EIF5A2: variants seen among roughly 807,000 people sequenced by gnomAD.
EIF5A2 encodes eukaryotic translation initiation factor 5A-2.
Under a neutral mutation model 16.4 loss-of-function variants are expected in EIF5A2, and 15 were observed. That is an observed-to-expected ratio of 0.92 (90% CI 0.61 to 1.41). EIF5A2 has a LOEUF of 1.41. EIF5A2 is among the 40% of genes most tolerant of loss of function. EIF5A2 has a pLI of 0.00. For missense variants in EIF5A2, 144 were observed against 189.5 expected, an observed-to-expected ratio of 0.76 and a Z score of 1.41; for synonymous variants, 48 against 61.1, an observed-to-expected ratio of 0.79 and a Z score of 1.00.
intron 1 of EIF5A2, 109 bp from the exon 2 acceptor site, chr3:170,907,950 G>GT: frequency 1.2e-6 from 1 of 834,278 alleles, no homozygotes; most frequent in East Asian, 2.8e-5. Flanking sequence ...ATTTCTGCAT[G>GT]TAAGGAACAC....
Position 170,893,110 on chromosome 3 carries a change from T to C in EIF5A2, c.*250A>G, listed in dbSNP as rs1354883922. ...CTGCTGAAGCTATCTTGTTTGTTTC[T>C]TGGACTGACATACTGAAAACCACAG... On this transcript the variant is annotated 3_prime_UTR_variant, in exon 5 of 5. Transcript: ENST00000295822. 4.5e-6 allele frequency: 2 copies of C among 446,566 alleles called. No homozygotes were observed. Among genetic ancestry groups the C allele is most frequent in the Non-Finnish European group, 7.8e-6 (2 of 255,500 alleles). 27.7% of individuals were successfully genotyped at this position (446,566 alleles called of 1,614,324 possible). A position where few individuals can be genotyped will look rare whatever the true frequency, so the allele number is the denominator to read the frequency against.
rs1277715439 is a variant in EIF5A2 at position 170,891,581 on chromosome 3, T to C, written c.*1779A>G. ...TACTAATGCTATTTCCAGTCACTGA[T>C]TAGATCAGTTACATCATCATATATG... On this transcript the variant is annotated 3_prime_UTR_variant, in exon 5 of 5. Transcript: ENST00000295822. 6.6e-6 allele frequency: 1 copy of C among 152,628 alleles called. No homozygotes were observed. Among genetic ancestry groups the C allele is most frequent in the Non-Finnish European group, 1.5e-5 (1 of 68,040 alleles). 9.5% of individuals were successfully genotyped at this position (152,628 alleles called of 1,614,324 possible).
Position 170,908,607 on chromosome 3 carries a change from C to G in EIF5A2, c.-100G>C, listed in dbSNP as rs1281096227. On this transcript the variant is annotated 5_prime_UTR_variant, in exon 1 of 5. Transcript: ENST00000295822. ...CGCTGGTCCCCTACAGCAGCGGCGC[C>G]GGCAGCGGCGGTGGCGGCCGCGGCA... is the stretch of plus-strand genomic sequence containing the variant. 1 of 152,844 alleles carries G rather than the reference C, an allele frequency of 6.5e-6. No homozygotes were observed. Among genetic ancestry groups the G allele is most frequent in the Non-Finnish European group, 1.5e-5 (1 of 68,520 alleles). The allele number at this position is 152,844 out of a possible 1,614,324, so 9.5% of individuals were successfully genotyped here. A position where few individuals can be genotyped will look rare whatever the true frequency, so the allele number is the denominator to read the frequency against.
At chr3:170,899,859 T>C (rs1353556151) in intron 3 of EIF5A2, among the ~76,000 whole-genome samples, 1 of 152,138 alleles carries the variant, frequency 6.6e-6, no homozygotes, top group African/African-American at 2.4e-5. Context: ...AAGGAAATTG[T>C]TGTAAGTATC....
intron 1 of EIF5A2, among the ~76,000 whole-genome samples, chr3:170,908,146 C>T (rs1355923858): frequency 1.3e-5 from 2 of 152,202 alleles, no homozygotes; most frequent in African/African-American, 4.8e-5. Flanking sequence ...AGCCGGCGAC[C>T]TTCCCCCGCC....
At chr3:170,900,064 A>G (rs1712771421) in intron 3 of EIF5A2, among the ~76,000 whole-genome samples, 1 of 152,018 alleles carries the variant, frequency 6.6e-6, no homozygotes, top group South Asian at 2.1e-4. Flanking sequence ...ATAAGGTTAT[A>G]AGGCTATCAG....
intron 3 of EIF5A2, among the ~76,000 whole-genome samples, chr3:170,904,201 T>G (rs780534048): frequency 6.6e-6 from 1 of 152,256 alleles, no homozygotes; most frequent in Admixed American, 6.5e-5. Context: ...TAATCCAAGC[T>G]AATCTTGAAA....
rs886729397 is a variant in EIF5A2, at chr3:170,890,365, TATC to T, written c.*2992_*2994del. On this transcript the variant is annotated 3_prime_UTR_variant, in exon 5 of 5. Transcript: ENST00000295822. ...TTATTGCAGTATCTCCTATTATAGA[TATC>T]ATGCTCTGATGCAGGAGAGTTTTGG... 3.5e-4 allele frequency: 53 copies of T among 152,236 alleles called. No individual in the cohort carries two copies. The highest frequency in any genetic ancestry group is 1.2e-3 in the African/African-American group (49 of 41,578). 9.4% of individuals were successfully genotyped at this position (152,236 alleles called of 1,614,324 possible).
At chr3:170,907,560 A>G (rs1712969985) in intron 2 of EIF5A2, 82 bp downstream of exon 2, 2 of 1,389,854 alleles carry the variant, frequency 1.4e-6, no homozygotes, top group East Asian at 2.4e-5. Flanking sequence ...TTTTAAGTAT[A>G]GAAATCTCAT....
chr3:170,893,463 C>T (rs1712584277), intron 4 of EIF5A2, 44 bp from the exon 5 acceptor site: 1 of 1,595,378 alleles, frequency 6.3e-7, no homozygotes, highest in Non-Finnish European at 8.6e-7. Context: ...GAAGACAATA[C>T]ATATAGAAGA....
rs1215478993 is a variant in EIF5A2, at chr3:170,891,327, T to C, written c.*2033A>G. On this transcript the variant is annotated 3_prime_UTR_variant, in exon 5 of 5. Coordinates refer to ENST00000295822, the MANE Select transcript of EIF5A2 (RefSeq NM_020390.6). ...GAGCAGTATGTAGTAGGTACTTAAA[T>C]AGAATACTGGAAAGAATGTAGCCTA... is the stretch of plus-strand genomic sequence containing the variant. 2 of 152,616 alleles carry C rather than the reference T, an allele frequency of 1.3e-5. No homozygotes were observed. 9.5% of individuals were successfully genotyped at this position (152,616 alleles called of 1,614,324 possible).
chr3:170,896,172 T>G (rs1712665945), intron 3 of EIF5A2, among the ~76,000 whole-genome samples: 1 of 152,224 alleles, frequency 6.6e-6, no homozygotes. Flanking sequence ...CTATTTTATT[T>G]TTTAAGAGTT....
intron 3 of EIF5A2, among the ~76,000 whole-genome samples, chr3:170,895,024 T>C (rs1449820250): frequency 5.8e-4 from 32 of 55,616 alleles, no homozygotes; most frequent in African/African-American, 2.2e-3. Context: ...AGACTCTGTC[T>C]CAAAAAAAAA....
chr3:170,901,697 C>T (rs1712819298), intron 3 of EIF5A2, among the ~76,000 whole-genome samples: 1 of 151,998 alleles, frequency 6.6e-6, no homozygotes, highest in Admixed American at 6.6e-5. Context: ...GCCTCGGCCT[C>T]CCAAAGTGCT....
At position 170,888,767 on chromosome 3, in the gene EIF5A2, A is replaced by G. The variant is rs1235247478; in HGVS notation, c.*4593T>C. On this transcript the variant is annotated 3_prime_UTR_variant, in exon 5 of 5. Transcript: ENST00000295822. ...CCTTTTTGGGGAGGAAGACAAAAGT[A>G]CATAACAGTATAGAACTAGTCATTT... 1 of 152,616 alleles carries G rather than the reference A, an allele frequency of 6.6e-6. No homozygotes were observed. The highest frequency in any genetic ancestry group is 1.5e-5 in the Non-Finnish European group (1 of 68,008). 9.5% of individuals were successfully genotyped at this position (152,616 alleles called of 1,614,324 possible).
At chr3:170,901,801 C>G (rs958586806) in intron 3 of EIF5A2, among the ~76,000 whole-genome samples, 3 of 152,178 alleles carry the variant, frequency 2.0e-5, no homozygotes, top group Non-Finnish European at 4.4e-5. Context: ...TTCAAAACAA[C>G]CAGACTTGTT....
Position 170,892,655 on chromosome 3 carries a change from C to T in EIF5A2, c.*705G>A. The stretch of plus-strand genomic sequence containing the variant: ...TAAAAACTTATAGATTTAATCAACC[C>T]TCTTTGCCACTGTCTTTTGTGTCTT... On this transcript the variant is annotated 3_prime_UTR_variant, in exon 5 of 5. Transcript: ENST00000295822. 1 of 397,706 alleles carries T rather than the reference C, an allele frequency of 2.5e-6. No homozygotes were observed. The highest frequency in any genetic ancestry group is 4.4e-5 in the Admixed American group (1 of 22,718). The allele number at this position is 397,706 out of a possible 1,614,324, so 24.6% of individuals were successfully genotyped here. A position where few individuals can be genotyped will look rare whatever the true frequency, so the allele number is the denominator to read the frequency against.
chr3:170,899,934 T>G (rs1442799680), intron 3 of EIF5A2, among the ~76,000 whole-genome samples: 1 of 126,154 alleles, frequency 7.9e-6, no homozygotes, highest in African/African-American at 3.0e-5. Flanking sequence ...TTTTTGAACA[T>G]TTTTTTTTTT....
At chr3:170,894,030 C>CAA (rs200594446) in intron 4 of EIF5A2, among the ~76,000 whole-genome samples, 26 of 106,906 alleles carry the variant, frequency 2.4e-4, no homozygotes, top group Middle Eastern at 4.8e-3. Context: ...GACTCCGTCT[C>CAA]AAAAAAAAAA....
Sources: allele counts gnomAD v4.1 joint callset (sites outside exome capture counted in the v4.1 genomes callset), GRCh38; gene constraint gnomAD v4.1.1; transcripts MANE v1.5; gene names NCBI Gene and HGNC (gene_info 2026-07-23, HGNC 2026-07-21).